TYW5: variants seen among roughly 807,000 people sequenced by gnomAD.
The protein encoded by TYW5 is tRNA wybutosine-synthesizing protein 5.
In TYW5, 36 loss-of-function variants were observed where a neutral mutation model predicts 44.4. The ratio of observed to expected loss-of-function variants is 0.81; its 90% confidence interval spans 0.62 to 1.07. The LOEUF is 1.07. TYW5 is among the 50% of genes least tolerant of loss of function. TYW5 has a pLI of 0.00. For synonymous variants in TYW5, 121 were observed against 128.1 expected, an observed-to-expected ratio of 0.94 and a Z score of 0.37; for missense variants, 354 against 365.7, an observed-to-expected ratio of 0.97 and a Z score of 0.26.
intron 1 of TYW5, among the ~76,000 whole-genome samples, chr2:199,948,778 CTT>C (rs552269783): frequency 7.9e-5 from 12 of 152,232 alleles, no homozygotes; most frequent in African/African-American, 2.9e-4. Context: ...TCATTTCAAA[CTT>C]ATAAAAAAGT....
Position 199,932,778 on chromosome 2 carries a change from C to G in TYW5, c.*289G>C. 5.9e-6 allele frequency: 2 copies of G among 339,940 alleles called. No homozygotes were observed. Among genetic ancestry groups the G allele is most frequent in the African/African-American group, 4.2e-5 (2 of 47,116 alleles). 21.1% of individuals were successfully genotyped at this position (339,940 alleles called of 1,614,324 possible). On this transcript the variant is annotated 3_prime_UTR_variant, in exon 8 of 8. Coordinates refer to ENST00000354611, the MANE Select transcript of TYW5 (RefSeq NM_001039693.3). ...CTGAATCATTGGATCAGAAACACTG[C>G]AGCACATTCTGTCAATAGATTTCAT... is the stretch of plus-strand genomic sequence containing the variant.
chr2:199,939,618 T>A (rs1037404757), intron 4 of TYW5, among the ~76,000 whole-genome samples: 1 of 152,122 alleles, frequency 6.6e-6, no homozygotes, highest in East Asian at 1.9e-4. Flanking sequence ...TGAATTCTAC[T>A]GAGGGAGGGG....
At position 199,932,613 on chromosome 2, in the gene TYW5, A is replaced by G. The variant is rs1056538796; in HGVS notation, c.*454T>C. 1 of 162,556 alleles carries G rather than the reference A, an allele frequency of 6.2e-6. No individual in the cohort carries two copies. The highest frequency in any genetic ancestry group is 1.3e-5 in the Non-Finnish European group (1 of 74,084). 10.1% of individuals were successfully genotyped at this position (162,556 alleles called of 1,614,324 possible). On this transcript the variant is annotated 3_prime_UTR_variant, in exon 8 of 8. Coordinates refer to ENST00000354611, the MANE Select transcript of TYW5 (RefSeq NM_001039693.3). ...AGCCTGACTCTTCCGCTGCATGTAA[A>G]TGAAGATGCACAAGGCTCCAACTGC...
At chr2:199,947,161 T>C (rs1250037664) in intron 2 of TYW5, 2 of 152,220 alleles carry the variant, frequency 1.3e-5, no homozygotes, top group African/African-American at 4.8e-5. Context: ...AGGAATGCTT[T>C]GGCAGCTGCT....
At chr2:199,935,759 C>T (rs1375430418) in intron 7 of TYW5, among the ~76,000 whole-genome samples, 172 bp downstream of exon 7, 3 of 132,302 alleles carry the variant, frequency 2.3e-5, no homozygotes, top group Non-Finnish European at 5.0e-5. Flanking sequence ...CACACACACA[C>T]ACACACATAC....
In TYW5 at chr2:199,938,996, T is replaced by A. The variant is rs747251495; in HGVS notation, c.423A>T (p.Glu141Asp). Residue 141 changes from glutamate (E) to aspartate (D), a missense_variant, in exon 5 of 8, where the codon GAA becomes GAT. By Grantham distance (45) the Glu-to-Asp change is conservative (BLOSUM62 2). Coordinates refer to ENST00000354611, the MANE Select transcript of TYW5 (RefSeq NM_001039693.3). ...DIKFPEFFKE[E>D]QFFSSVFRIS... Reference sequence around the variant, plus strand: ...TTCGAAAAACACTGGAAAAGAACTGTTCCTCTTTGAAGAATTCTGGAAACT... The same window carrying A: ...TTCGAAAAACACTGGAAAAGAACTGATCCTCTTTGAAGAATTCTGGAAACT... 4 of 1,613,792 alleles carry A rather than the reference T, an allele frequency of 2.5e-6. No individual in the cohort carries two copies. Among genetic ancestry groups the A allele is most frequent in the Non-Finnish European group, 2.5e-6 (3 of 1,179,868 alleles).
At chr2:199,950,587 T>A (rs1003560188) in intron 1 of TYW5, among the ~76,000 whole-genome samples, 5 of 152,172 alleles carry the variant, frequency 3.3e-5, no homozygotes, top group Non-Finnish European at 7.3e-5. Context: ...GATGTGCACA[T>A]TAGGTACACT....
chr2:199,937,074 C>A (rs554722325), intron 5 of TYW5, among the ~76,000 whole-genome samples: 2 of 151,784 alleles, frequency 1.3e-5, no homozygotes, highest in Non-Finnish European at 2.9e-5. Context: ...ATTATTGGAG[C>A]AATCGTTTCC....
chr2:199,932,881 T>TA lies in TYW5; in HGVS notation c.*185dup. ...CTTTTAGTGGTCAGCATCTGAATGT[T>TA]AAAGAGTGGTCCCAGCACAGCATTC... On this transcript the variant is annotated 3_prime_UTR_variant, in exon 8 of 8. Transcript: ENST00000354611. The TA allele has an allele frequency of 3.0e-6, 2 of 656,158 alleles. No individual in the cohort carries two copies. Among genetic ancestry groups the TA allele is most frequent in the Non-Finnish European group, 4.9e-6 (2 of 407,354 alleles). 40.6% of individuals were successfully genotyped at this position (656,158 alleles called of 1,614,324 possible).
chr2:199,933,063 T>A lies in TYW5; in HGVS notation c.*4A>T. The A allele has an allele frequency of 6.2e-7, 1 of 1,613,326 alleles. No individual in the cohort carries two copies. The highest frequency in any genetic ancestry group is 2.2e-5 in the East Asian group (1 of 44,858). On this transcript the variant is annotated 3_prime_UTR_variant, in exon 8 of 8. Transcript: ENST00000354611. Reference sequence around the variant, plus strand: ...GTTAATGTGCATTGCATTCACTTCATTATTTACTCAGAGTTCTTGCTGTAG... The same window carrying A: ...GTTAATGTGCATTGCATTCACTTCAATATTTACTCAGAGTTCTTGCTGTAG...
chr2:199,935,719 A>AACACACACACACACACACAC (rs142361195), intron 7 of TYW5, among the ~76,000 whole-genome samples: 2 of 138,104 alleles, frequency 1.4e-5, no homozygotes, highest in Admixed American at 7.2e-5. Context: ...GCCTGCTTTA[A>AACACACACACACACACACAC]ACACACACAC....
chr2:199,936,905 CT>C (rs2077425255), intron 5 of TYW5, among the ~76,000 whole-genome samples: 1 of 152,150 alleles, frequency 6.6e-6, no homozygotes, highest in Admixed American at 6.5e-5. Context: ...ACTGTTGCAA[CT>C]GCTGCTACAC....
chr2:199,930,959 AAAC>A lies in TYW5; in HGVS notation c.*2105_*2107del, dbSNP rs1454020262. 6.6e-6 allele frequency: 1 copy of A among 152,234 alleles called. No individual in the cohort carries two copies. Among genetic ancestry groups the A allele is most frequent in the Non-Finnish European group, 1.5e-5 (1 of 68,036 alleles). The allele number at this position is 152,234 out of a possible 1,614,324, so 9.4% of individuals were successfully genotyped here. On this transcript the variant is annotated 3_prime_UTR_variant, in exon 8 of 8. Coordinates refer to ENST00000354611, the MANE Select transcript of TYW5 (RefSeq NM_001039693.3). ...CACTGTATAAGATTTTATACATTAA[AAAC>A]AAACATCTCATTTGGTCTTAACCCA...
At chr2:199,948,065 C>G in intron 2 of TYW5, 1 of 347,134 alleles carries the variant, frequency 2.9e-6, no homozygotes, top group Admixed American at 4.6e-5. Context: ...GCACTCCAGC[C>G]TGGGTGGCGC....
chr2:199,943,669 G>C, intron 3 of TYW5, 96 bp downstream of exon 3: 1 of 914,400 alleles, frequency 1.1e-6, no homozygotes, highest in Non-Finnish European at 1.7e-6. Context: ...TATCAGAGAC[G>C]GCTGTTGCTC....
chr2:199,939,922 T>C (rs1237046334), intron 4 of TYW5, among the ~76,000 whole-genome samples, 167 bp downstream of exon 4: 1 of 152,216 alleles, frequency 6.6e-6, no homozygotes, highest in Non-Finnish European at 1.5e-5. Context: ...GTAATCACTT[T>C]TTAATCATCT....
At position 199,932,114 on chromosome 2, in the gene TYW5, G is replaced by A. The variant is rs1157304936; in HGVS notation, c.*953C>T. ...CAAGATCAGATTAAACATTTGTTTT[G>A]CACTAATCACAAAACTAATAATCCA... On this transcript the variant is annotated 3_prime_UTR_variant, in exon 8 of 8. Coordinates refer to ENST00000354611, the MANE Select transcript of TYW5 (RefSeq NM_001039693.3). 1 of 152,106 alleles carries A rather than the reference G, an allele frequency of 6.6e-6. No individual in the cohort carries two copies. Among genetic ancestry groups the A allele is most frequent in the Admixed American group, 6.6e-5 (1 of 15,266 alleles). The allele number at this position is 152,106 out of a possible 1,614,324, so 9.4% of individuals were successfully genotyped here.
In TYW5 at chr2:199,933,186, G is replaced by C. The variant is rs2077393207; in HGVS notation, c.829C>G (p.Gln277Glu). 1 of 1,613,964 alleles carries C rather than the reference G, an allele frequency of 6.2e-7. No homozygotes were observed. The highest frequency in any genetic ancestry group is 1.7e-5 in the Admixed American group (1 of 59,990). The stretch of plus-strand genomic sequence containing the variant: ...GTTTTCAAGGCTCTGTCCAGAATTT[G>C]TGCAGCTCTTGATGCTGCTGTAGGA... ...KDPTAASRAA[Q>E]ILDRALKTLA... is the part of the protein sequence containing the mutation. The change falls in exon 8 of 8, where the codon CAA becomes GAA. Residue 277 changes from glutamine (Q) to glutamate (E), a missense_variant. Coordinates refer to ENST00000354611, the MANE Select transcript of TYW5 (RefSeq NM_001039693.3).
chr2:199,934,235 CT>C (rs1296675102), intron 7 of TYW5, among the ~76,000 whole-genome samples: 1 of 151,790 alleles, frequency 6.6e-6, no homozygotes, highest in Non-Finnish European at 1.5e-5. Flanking sequence ...CTTTCAGAAT[CT>C]TTTTTTTCCC....
Sources: gnomAD v4.1 joint callset for allele counts (sites outside exome capture counted in the v4.1 genomes callset) on GRCh38, gnomAD v4.1.1 for gene constraint, MANE v1.5 for transcripts, NCBI Gene and HGNC (gene_info 2026-07-23, HGNC 2026-07-21) for gene names.